Variants in VAPB observed in about 807,000 individuals in gnomAD.
VAPB encodes vesicle-associated membrane protein-associated protein B/C.
VAPB carries 7 observed loss-of-function variants against 25.6 expected under a neutral mutation model. The ratio of observed to expected loss-of-function variants is 0.27; its 90% confidence interval spans 0.16 to 0.51. The LOEUF is 0.51. Ranked by LOEUF, VAPB falls within the 20% of genes least tolerant of loss-of-function variation. The probability of loss-of-function intolerance (pLI) is 0.97; values close to 1 mark genes in which losing one functional copy is unlikely to be tolerated. For synonymous variants in VAPB, 112 were observed against 109.2 expected (o/e 1.03, Z -0.16); for missense variants, 266 against 301.3 (o/e 0.88, Z 0.87).
chr20:58,430,700 T>G (rs1019702278), intron 2 of VAPB, among the ~76,000 whole-genome samples: 1 of 152,064 alleles, frequency 6.6e-6, no homozygotes, highest in African/African-American at 2.4e-5. Flanking sequence ...CTCAGCCTCC[T>G]GAGTAGCTGG....
Position 58,389,492 on chromosome 20 carries a change from G to A in VAPB, c.33G>A (p.Glu11=), listed in dbSNP as rs775634499. 1 of 1,594,960 alleles carries A rather than the reference G, an allele frequency of 6.3e-7. No individual in the cohort carries two copies. Among genetic ancestry groups the A allele is most frequent in the Admixed American group, 1.7e-5 (1 of 57,994 alleles). ...AGGTGGAGCAGGTCCTGAGCCTCGA[G>A]CCGCAGCACGAGCTCAAATTCCGAG... The part of the protein sequence containing the change: MAKVEQVLSL[E]PQHELKFRGP... Residue 11 remains glutamate, a synonymous_variant, in exon 1 of 6, where the codon GAG becomes GAA. Coordinates refer to ENST00000475243, the MANE Select transcript of VAPB (RefSeq NM_004738.5).
At position 58,447,951 on chromosome 20, in the gene VAPB, G is replaced by A. The variant is rs1018743177; in HGVS notation, c.*3716G>A. 1 of 453,440 alleles carries A rather than the reference G, an allele frequency of 2.2e-6. No individual in the cohort carries two copies. The highest frequency in any genetic ancestry group is 2.0e-5 in the African/African-American group (1 of 49,796). The allele number at this position is 453,440 out of a possible 1,614,324, so 28.1% of individuals were successfully genotyped here. A position where few individuals can be genotyped will look rare whatever the true frequency, so the allele number is the denominator to read the frequency against. On this transcript the variant is annotated 3_prime_UTR_variant, in exon 6 of 6. Coordinates refer to ENST00000475243, the MANE Select transcript of VAPB (RefSeq NM_004738.5). ...ACTCCTGAGACCTTCTCGGTGTAGAGGCCACTGCTTCCCCCTGCTGGAGAT... is the reference window on the plus strand; with the variant it reads ...ACTCCTGAGACCTTCTCGGTGTAGAAGCCACTGCTTCCCCCTGCTGGAGAT...
intron 1 of VAPB, among the ~76,000 whole-genome samples, chr20:58,413,139 C>CTTT (rs11481028): frequency 0.37 from 48,870 of 132,140 alleles, 9,079 homozygotes; most frequent in African/African-American, 0.48. Context: ...TATTTGCCTT[C>CTTT]TTTTTTTTTT....
At position 58,389,601 on chromosome 20, in the gene VAPB, C is replaced by T. The variant is rs530972381; in HGVS notation, c.58+84C>T. 5.5e-4 allele frequency: 797 copies of T among 1,443,900 alleles called. 2 individuals are homozygous for T. The highest frequency in any genetic ancestry group is 7.1e-4 in the Non-Finnish European group (760 of 1,077,784). The allele number at this position is 1,443,900 out of a possible 1,614,324, so 89.4% of individuals were successfully genotyped here. ...CGGAGCCCGGCGCGGCGGGTGACGT[C>T]GGCCCTCGTCCCCACCCCGACGGCG... On this transcript the variant is annotated intron_variant, in intron 1 of 5. Coordinates refer to ENST00000475243, the MANE Select transcript of VAPB (RefSeq NM_004738.5).
Position 58,444,988 on chromosome 20 carries a change from C to T in VAPB, c.*753C>T, listed in dbSNP as rs6070466. ...TTCATCTCATGTTTTCTTATTGTCA[C>T]AAGAGTACAGTTAATGCTGCGTGCT... On this transcript the variant is annotated 3_prime_UTR_variant, in exon 6 of 6. Transcript: ENST00000475243. 1 of 454,704 alleles carries T rather than the reference C, an allele frequency of 2.2e-6. No individual in the cohort carries two copies. Among genetic ancestry groups the T allele is most frequent in the Non-Finnish European group, 4.4e-6 (1 of 226,798 alleles). The allele number at this position is 454,704 out of a possible 1,614,324, so 28.2% of individuals were successfully genotyped here.
chr20:58,389,458 A>G lies in VAPB; in HGVS notation c.-2A>G. On this transcript the variant is annotated 5_prime_UTR_variant, in exon 1 of 6. Coordinates refer to ENST00000475243, the MANE Select transcript of VAPB (RefSeq NM_004738.5). Reference sequence around the variant, plus strand: ...GCCAAAGGTGCTCCGCCGCTAAGGAACATGGCGAAGGTGGAGCAGGTCCTG... The same window carrying G: ...GCCAAAGGTGCTCCGCCGCTAAGGAGCATGGCGAAGGTGGAGCAGGTCCTG... The G allele has an allele frequency of 1.3e-6, 2 of 1,595,068 alleles. No individual in the cohort carries two copies. Among genetic ancestry groups the G allele is most frequent in the Non-Finnish European group, 1.7e-6 (2 of 1,171,448 alleles).
intron 1 of VAPB, among the ~76,000 whole-genome samples, chr20:58,408,251 C>T (rs1238345670): frequency 6.6e-6 from 1 of 152,180 alleles, no homozygotes; most frequent in Non-Finnish European, 1.5e-5. Context: ...AGCTGGCTGG[C>T]TCCCGAGGAT....
intron 1 of VAPB, among the ~76,000 whole-genome samples, chr20:58,415,442 C>G (rs575249614): frequency 6.6e-6 from 1 of 152,292 alleles, no homozygotes; most frequent in South Asian, 2.1e-4. Context: ...GCCAGTTTCT[C>G]CCAAATTCAT....
At chr20:58,417,213 A>C (rs1384224054) in intron 1 of VAPB, among the ~76,000 whole-genome samples, 19 of 152,358 alleles carry the variant, frequency 1.2e-4, no homozygotes, top group Non-Finnish European at 1.3e-4. Context: ...ATAAACACAG[A>C]GATCACATGT....
chr20:58,418,459 A>G, intron 2 of VAPB, 96 bp downstream of exon 2: 1 of 1,487,136 alleles, frequency 6.7e-7, no homozygotes, highest in Non-Finnish European at 9.0e-7. Context: ...GCAGAAGAAG[A>G]TGATAGAATT....
chr20:58,389,277 C>T lies in VAPB; in HGVS notation c.-183C>T, dbSNP rs1001280066. On this transcript the variant is annotated 5_prime_UTR_variant, in exon 1 of 6. Transcript: ENST00000475243. Reference sequence around the variant, plus strand: ...CCGCGGCCTCGCCCTCGCCCTCCGCCCCTGCGCCTGCACCGCGTAGACCGA... The same window carrying T: ...CCGCGGCCTCGCCCTCGCCCTCCGCTCCTGCGCCTGCACCGCGTAGACCGA... The T allele has an allele frequency of 8.5e-6, 6 of 708,086 alleles. No individual in the cohort carries two copies. Among genetic ancestry groups the T allele is most frequent in the Non-Finnish European group, 1.5e-5 (6 of 399,422 alleles). 43.9% of individuals were successfully genotyped at this position (708,086 alleles called of 1,614,324 possible).
intron 2 of VAPB, among the ~76,000 whole-genome samples, chr20:58,429,485 A>G (rs747826492): frequency 7.9e-5 from 12 of 152,132 alleles, no homozygotes; most frequent in Non-Finnish European, 1.3e-4. Context: ...GTGACTTGGT[A>G]GGTAGGATGT....
intron 2 of VAPB, 33 bp from the exon 3 acceptor site, chr20:58,434,569 C>A: frequency 1.8e-6 from 2 of 1,103,226 alleles, no homozygotes; most frequent in South Asian, 1.2e-5. Context: ...CAACCAAGCT[C>A]TGACCCTCCT....
At chr20:58,429,427 A>G (rs1273707245) in intron 2 of VAPB, among the ~76,000 whole-genome samples, 2 of 152,140 alleles carry the variant, frequency 1.3e-5, no homozygotes, top group Non-Finnish European at 2.9e-5. Flanking sequence ...ATGCCTGTTT[A>G]TGTCTTCTCC....
chr20:58,438,984 C>T lies in VAPB; in HGVS notation c.355C>T (p.Leu119Phe). The change falls in exon 4 of 6, where the codon CTT becomes TTT. Residue 119 changes from leucine to phenylalanine, a missense_variant. Physicochemically the swap from Leu to Phe is conservative, Grantham distance 22. This residue lies in a region of VAPB where 98 missense variants were observed against 147.1 expected (regional missense o/e 0.67). Coordinates refer to ENST00000475243, the MANE Select transcript of VAPB (RefSeq NM_004738.5). Reference protein sequence around the residue: ...AKPEDLMDSKLRCVFELPAEN... With the variant: ...AKPEDLMDSKFRCVFELPAEN... ...ACCGGAAGACCTTATGGATTCAAAA[C>T]TTAGATGTGTGTTTGAATTGCCAGC... is the stretch of plus-strand genomic sequence containing the variant. The T allele has an allele frequency of 6.2e-7, 1 of 1,613,892 alleles. No individual in the cohort carries two copies. The highest frequency in any genetic ancestry group is 8.5e-7 in the Non-Finnish European group (1 of 1,179,974).
At chr20:58,435,931 G>A (rs1427785906) in intron 3 of VAPB, among the ~76,000 whole-genome samples, 3 of 152,174 alleles carry the variant, frequency 2.0e-5, no homozygotes, top group African/African-American at 7.2e-5. Flanking sequence ...AAAGAGCATG[G>A]GCTTGGGTGT....
chr20:58,445,469 T>G lies in VAPB; in HGVS notation c.*1234T>G. On this transcript the variant is annotated 3_prime_UTR_variant, in exon 6 of 6. Transcript: ENST00000475243. ...TGAGAGTTTGACTGTGAATTAATTTTATGCCATAAAAGACCAACCCAGTTC... is the reference window on the plus strand; with the variant it reads ...TGAGAGTTTGACTGTGAATTAATTTGATGCCATAAAAGACCAACCCAGTTC... 2.2e-6 allele frequency: 1 copy of G among 454,540 alleles called. No homozygotes were observed. Among genetic ancestry groups the G allele is most frequent in the South Asian group, 1.6e-5 (1 of 64,478 alleles). 28.2% of individuals were successfully genotyped at this position (454,540 alleles called of 1,614,324 possible). A position where few individuals can be genotyped will look rare whatever the true frequency, so the allele number is the denominator to read the frequency against.
intron 2 of VAPB, among the ~76,000 whole-genome samples, chr20:58,421,630 C>A (rs942960184): frequency 6.6e-6 from 1 of 151,908 alleles, no homozygotes; most frequent in Non-Finnish European, 1.5e-5. Context: ...TTCTGAAAAC[C>A]CTTGGAATGC....
rs1450622752 is a variant in VAPB, at chr20:58,449,400, G to A, written c.*5165G>A. 2 of 453,568 alleles carry A rather than the reference G, an allele frequency of 4.4e-6. No individual in the cohort carries two copies. The highest frequency in any genetic ancestry group is 4.0e-5 in the African/African-American group (2 of 49,962). The allele number at this position is 453,568 out of a possible 1,614,324, so 28.1% of individuals were successfully genotyped here. A position where few individuals can be genotyped will look rare whatever the true frequency, so the allele number is the denominator to read the frequency against. On this transcript the variant is annotated 3_prime_UTR_variant, in exon 6 of 6. Coordinates refer to ENST00000475243, the MANE Select transcript of VAPB (RefSeq NM_004738.5). The stretch of plus-strand genomic sequence containing the variant: ...GATGATAGTTAAAAGAGAAACGGGT[G>A]GAGGTGGATGAGAGGTTGTCTTCAT...
Sources: gnomAD v4.1 joint callset for allele counts (sites outside exome capture counted in the v4.1 genomes callset) on GRCh38, gnomAD v4.1.1 for gene constraint, gnomAD v4.1.1 regional missense constraint, MANE v1.5 for transcripts, NCBI Gene and HGNC (gene_info 2026-07-23, HGNC 2026-07-21) for gene names.